The following PPP6R2 variants were observed in gnomAD, a reference collection of about 807,000 sequenced individuals.
The protein encoded by PPP6R2 is serine/threonine-protein phosphatase 6 regulatory subunit 2.
A neutral mutation model predicts 100.2 loss-of-function variants in PPP6R2; 62 were observed. That is an observed-to-expected ratio of 0.62 (90% CI 0.50 to 0.76). The LOEUF (loss-of-function observed/expected upper bound fraction) is 0.76, where lower values mean the gene tolerates loss of function less well. PPP6R2 is among the 30% of genes least tolerant of loss of function. PPP6R2 has a pLI of 0.00. For missense variants in PPP6R2, 1,142 were observed against 1,276.3 expected (o/e 0.89, Z 1.60); for synonymous variants, 525 against 514.7 (o/e 1.02, Z -0.27).
At chr22:50,394,435 A>T (rs923520435) in intron 3 of PPP6R2, among the ~76,000 whole-genome samples, 5 of 148,832 alleles carry the variant, frequency 3.4e-5, no homozygotes, top group African/African-American at 5.0e-5. Flanking sequence ...TCTCTATTAA[A>T]TTTTTTTTTT....
intron 2 of PPP6R2, 46 bp from the exon 3 acceptor site, chr22:50,393,847 G>A (rs1603079726): frequency 6.2e-7 from 1 of 1,607,012 alleles, no homozygotes; most frequent in Non-Finnish European, 8.5e-7. Context: ...TGCTGAAGGT[G>A]GATTTGCAAG....
intron 2 of PPP6R2, among the ~76,000 whole-genome samples, chr22:50,388,406 A>AT (rs985202392): frequency 5.3e-5 from 8 of 151,138 alleles, no homozygotes; most frequent in African/African-American, 1.9e-4. Flanking sequence ...AAAAAAAAAA[A>AT]AATAAGCCTA....
chr22:50,427,614 G>A (rs184822162), intron 10 of PPP6R2, among the ~76,000 whole-genome samples: 18 of 152,238 alleles, frequency 1.2e-4, no homozygotes, highest in African/African-American at 3.9e-4. Flanking sequence ...GTGCAGTGGC[G>A]CAATCTCGGC....
intron 10 of PPP6R2, among the ~76,000 whole-genome samples, chr22:50,428,120 G>T (rs1413025535): frequency 5.3e-5 from 8 of 151,290 alleles, no homozygotes; most frequent in Non-Finnish European, 1.0e-4. Context: ...CTCCCAAAGT[G>T]CTGGGATTAT....
At position 50,434,536 on chromosome 22, in the gene PPP6R2, C is replaced by T. The variant is rs201976141; in HGVS notation, c.1401-430C>T. Among the ~76,000 whole-genome samples, 54 of 44,264 alleles carry T rather than the reference C, an allele frequency of 1.2e-3. 5 individuals carry two copies. The highest frequency in any genetic ancestry group is 1.6e-3 in the Admixed American group (6 of 3,644). 29.0% of individuals were successfully genotyped at this position (44,264 alleles called of 152,430 possible). On this transcript the variant is annotated intron_variant, in intron 12 of 23. Coordinates refer to ENST00000612753, the MANE Select transcript of PPP6R2 (RefSeq NM_001242898.2). Reference sequence around the variant, plus strand: ...TGAACCTGGAGGAGGGCCGGGGGCGCGGACGCTGGGCAGGGGCCGGGCATT... The same window carrying T: ...TGAACCTGGAGGAGGGCCGGGGGCGTGGACGCTGGGCAGGGGCCGGGCATT...
At chr22:50,405,545 G>A in intron 3 of PPP6R2, among the ~76,000 whole-genome samples, 1 of 138,800 alleles carries the variant, frequency 7.2e-6, no homozygotes, top group South Asian at 2.5e-4. Flanking sequence ...GAGGTAAGAG[G>A]CCTGGAGAGA....
chr22:50,434,919 C>G, intron 12 of PPP6R2, 47 bp from the exon 13 acceptor site: 1 of 1,545,708 alleles, frequency 6.5e-7, no homozygotes. Flanking sequence ...GTGGGTCTGG[C>G]AAGGTCGGGG....
chr22:50,331,594 T>C, the PPP6R2 span, among the ~76,000 whole-genome samples: 4 of 145,176 alleles, frequency 2.8e-5, no homozygotes, highest in South Asian at 8.7e-4. Context: ...TAAAAAAATG[T>C]TTATGCAGCT....
At position 50,437,500 on chromosome 22, in the gene PPP6R2, T is replaced by TCCCC; in HGVS notation, c.1684-3_1684-2insCCCC. 3.7e-6 allele frequency: 1 copy of TCCCC among 266,772 alleles called. No homozygotes were observed. Among genetic ancestry groups the TCCCC allele is most frequent in the South Asian group, 2.6e-5 (1 of 38,942 alleles). The allele number at this position is 266,772 out of a possible 1,614,324, so 16.5% of individuals were successfully genotyped here. A position where few individuals can be genotyped will look rare whatever the true frequency, so the allele number is the denominator to read the frequency against. ...GTCCGTCCCTCCCTCCCTCCCTCCC[T>TCCCC]CCCAGGCCTTCTCTGACTACCAGAT... On this transcript the variant is annotated splice_region_variant and splice_polypyrimidine_tract_variant and intron_variant, in intron 15 of 23. Transcript: ENST00000612753.
intron 2 of PPP6R2, among the ~76,000 whole-genome samples, chr22:50,375,893 T>C (rs1360167634): frequency 1.4e-5 from 2 of 138,640 alleles, no homozygotes; most frequent in African/African-American, 2.8e-5. Context: ...CAGGCTGAAG[T>C]GCAGTAGCAC....
chr22:50,356,427 C>A (rs1238962586), intron 1 of PPP6R2, among the ~76,000 whole-genome samples: 1 of 151,786 alleles, frequency 6.6e-6, no homozygotes. Context: ...CTCAGCCTCC[C>A]AAGTAGCTGG....
Position 50,440,110 on chromosome 22 carries a change from G to A in PPP6R2, c.2374+61G>A. On this transcript the variant is annotated intron_variant, in intron 21 of 23. Transcript: ENST00000612753. The stretch of plus-strand genomic sequence containing the variant: ...CCCAGTTTAAGGCCTGAGGCCAGCT[G>A]GCCCCCCTCCTTGGGGGCAGTGGGA... The A allele has an allele frequency of 2.0e-6, 3 of 1,473,908 alleles. No individual in the cohort carries two copies. The African/African-American group carries it at 4.2e-5, about 21-fold the overall frequency. 91.3% of individuals were successfully genotyped at this position (1,473,908 alleles called of 1,614,324 possible).
intron 11 of PPP6R2, 52 bp from the exon 12 acceptor site, chr22:50,432,213 G>A: frequency 6.7e-7 from 1 of 1,484,368 alleles, no homozygotes; most frequent in South Asian, 1.2e-5. Context: ...GTGGAGGGGT[G>A]CGTGCCGCCT....
Position 50,437,076 on chromosome 22 carries a change from C to T in PPP6R2, c.1683+8C>T, listed in dbSNP as rs1245068755. On this transcript the variant is annotated splice_region_variant and intron_variant, in intron 15 of 23. Transcript: ENST00000612753. The stretch of plus-strand genomic sequence containing the variant: ...GAGCTGTCCCTTCAGCAGGTGAGGG[C>T]GTGGCCGGCACCTGCACCCTGCCGG... 5.8e-6 allele frequency: 9 copies of T among 1,555,444 alleles called. No homozygotes were observed. The East Asian group carries it at 9.7e-5, about 17-fold the overall frequency.
chr22:50,347,744 G>A (rs1271786915), intron 1 of PPP6R2, among the ~76,000 whole-genome samples: 1 of 152,028 alleles, frequency 6.6e-6, no homozygotes, highest in Admixed American at 6.6e-5. Context: ...CCTGTGTCTT[G>A]TTCTTTCATC....
At chr22:50,391,304 A>C (rs1374323605) in intron 2 of PPP6R2, among the ~76,000 whole-genome samples, 1 of 151,692 alleles carries the variant, frequency 6.6e-6, no homozygotes, top group Non-Finnish European at 1.5e-5. Flanking sequence ...ATGGTGGTGC[A>C]TGCCTGTAAT....
At chr22:50,340,325 G>A (rs1437931248), upstream of PPP6R2, among the ~76,000 whole-genome samples, 1 of 136,518 alleles carries the variant, frequency 7.3e-6, no homozygotes, top group Non-Finnish European at 1.6e-5. Flanking sequence ...TGTGTGTGGT[G>A]TGTGTAGGGT....
chr22:50,426,503 T>C (rs112140155), intron 10 of PPP6R2, among the ~76,000 whole-genome samples: 26 of 152,298 alleles, frequency 1.7e-4, no homozygotes, highest in Non-Finnish European at 2.8e-4. Flanking sequence ...CTTCATTCTT[T>C]TGCATGGGGT....
chr22:50,391,929 T>C (rs1414694788), intron 2 of PPP6R2: 1 of 148,628 alleles, frequency 6.7e-6, no homozygotes, highest in Non-Finnish European at 1.5e-5. Flanking sequence ...CTGCCCTATC[T>C]TGCAAGTTCT....
Sources: allele counts gnomAD v4.1 joint callset (sites outside exome capture counted in the v4.1 genomes callset), GRCh38; gene constraint gnomAD v4.1.1; transcripts MANE v1.5; gene names NCBI Gene and HGNC (gene_info 2026-07-23, HGNC 2026-07-21).